The following STX3 variants were observed in gnomAD, a reference collection of about 807,000 sequenced individuals.
The protein encoded by STX3 is syntaxin 3, also known as syntaxin-3.
STX3 carries 19 observed loss-of-function variants against 40.2 expected under a neutral mutation model. The observed-to-expected ratio is 0.47, with a 90% CI of 0.33 to 0.69. The LOEUF is 0.69. Among genes scored for constraint, STX3 ranks in the 30% least tolerant of loss-of-function variants. The probability of loss-of-function intolerance (pLI) is 0.02; values close to 1 mark genes in which losing one functional copy is unlikely to be tolerated. For synonymous variants in STX3, 122 were observed against 132.2 expected, an observed-to-expected ratio of 0.92 and a Z score of 0.53; for missense variants, 364 against 366.7, an observed-to-expected ratio of 0.99 and a Z score of 0.06.
intron 1 of STX3, among the ~76,000 whole-genome samples, chr11:59,763,839 G>T (rs1260078942): frequency 6.6e-6 from 1 of 152,088 alleles, no homozygotes; most frequent in Non-Finnish European, 1.5e-5. Context: ...CCAACATGGC[G>T]GAAACCCTGT....
At chr11:59,771,400 A>ACCC in intron 1 of STX3, among the ~76,000 whole-genome samples, 1 of 42,260 alleles carries the variant, frequency 2.4e-5, no homozygotes, top group South Asian at 9.9e-4. Flanking sequence ...CCGTCCCCCC[A>ACCC]CCTCCCCCCC....
intron 4 of STX3, chr11:59,789,253 C>CTTT: frequency 2.3e-5 from 5 of 214,738 alleles, no homozygotes; most frequent in South Asian, 1.1e-4. Context: ...ACTTGTCTCT[C>CTTT]TTTTTTTTTT....
At chr11:59,791,830 G>A (rs1004150291) in intron 5 of STX3, among the ~76,000 whole-genome samples, 1 of 152,168 alleles carries the variant, frequency 6.6e-6, no homozygotes. Context: ...CCATGTGGAT[G>A]TAGGGCTCAG....
chr11:59,788,742 C>A, intron 3 of STX3, 131 bp from the exon 4 acceptor site: 1 of 643,800 alleles, frequency 1.6e-6, no homozygotes, highest in African/African-American at 1.9e-5. Context: ...CTGGGGAGTG[C>A]GTAGGGATAA....
In STX3 at chr11:59,792,065, C is replaced by T. The variant is rs775734509; in HGVS notation, c.358-42C>T. ...GTGGGGAGGGGTTCTATAACAGTTACAGAACCACTGGGGCCTGACTGCATT... is the reference window on the plus strand; with the variant it reads ...GTGGGGAGGGGTTCTATAACAGTTATAGAACCACTGGGGCCTGACTGCATT... On this transcript the variant is annotated intron_variant, in intron 5 of 10. Transcript: ENST00000337979. The T allele has an allele frequency of 1.1e-5, 17 of 1,489,002 alleles. No homozygotes were observed. The Admixed American group carries it at 2.4e-4, about 21-fold the overall frequency. 92.2% of individuals were successfully genotyped at this position (1,489,002 alleles called of 1,614,324 possible).
At chr11:59,783,858 T>G (rs1247131984) in intron 2 of STX3, among the ~76,000 whole-genome samples, 1 of 152,210 alleles carries the variant, frequency 6.6e-6, no homozygotes, top group Non-Finnish European at 1.5e-5. Context: ...GATTATTTGG[T>G]GAACTGACTA....
Position 59,789,020 on chromosome 11 carries a change from C to T in STX3, c.289+73C>T, listed in dbSNP as rs574747684. 3.4e-5 allele frequency: 45 copies of T among 1,331,042 alleles called. No individual in the cohort carries two copies. In the South Asian group the frequency reaches 3.5e-4, roughly 10 times the overall value. 82.5% of individuals were successfully genotyped at this position (1,331,042 alleles called of 1,614,324 possible). ...TCAGCTCCCCTAGGGTCCAGCTTTC[C>T]GAACTGAAACTCCTCTTGATGGAAG... On this transcript the variant is annotated intron_variant, in intron 4 of 10. Coordinates refer to ENST00000337979, the MANE Select transcript of STX3 (RefSeq NM_004177.5).
In STX3 at chr11:59,802,448, C is replaced by T. The variant is rs1590841573; in HGVS notation, c.*1624C>T. On this transcript the variant is annotated 3_prime_UTR_variant, in exon 11 of 11. Coordinates refer to ENST00000337979, the MANE Select transcript of STX3 (RefSeq NM_004177.5). The stretch of plus-strand genomic sequence containing the variant: ...CTTCCTTTGCAAAGGCTACTTATGG[C>T]CGGTCACAATCCAGCACTCAGACAG... The T allele has an allele frequency of 4.1e-6, 4 of 985,850 alleles. No homozygotes were observed. The South Asian group carries it at 1.4e-4, about 35-fold the overall frequency. The allele number at this position is 985,850 out of a possible 1,614,324, so 61.1% of individuals were successfully genotyped here. A position where few individuals can be genotyped will look rare whatever the true frequency, so the allele number is the denominator to read the frequency against.
At chr11:59,792,914 A>C (rs1031895845) in intron 6 of STX3, among the ~76,000 whole-genome samples, 185 bp from the exon 7 acceptor site, 2 of 152,172 alleles carry the variant, frequency 1.3e-5, no homozygotes, top group Non-Finnish European at 2.9e-5. Flanking sequence ...TAGGAAGGTA[A>C]CTGCTGATAG....
intron 2 of STX3, among the ~76,000 whole-genome samples, chr11:59,784,065 C>T (rs1864600024): frequency 6.6e-6 from 1 of 152,162 alleles, no homozygotes; most frequent in South Asian, 2.1e-4. Flanking sequence ...GGGTGAGTAT[C>T]AGCCATCCAG....
chr11:59,793,344 A>G (rs1565188997), intron 7 of STX3, 36 bp from the exon 8 acceptor site: 1 of 1,603,938 alleles, frequency 6.2e-7, no homozygotes, highest in East Asian at 2.2e-5. Flanking sequence ...CCTTTCTTGC[A>G]GGGGTAGCTA....
At position 59,792,136 on chromosome 11, in the gene STX3, G is replaced by A. The variant is rs1250678745; in HGVS notation, c.387G>A (p.Glu129=). Residue 129 remains glutamate (E), a synonymous_variant, in exon 6 of 11, where the codon GAG becomes GAA. Coordinates refer to ENST00000337979, the MANE Select transcript of STX3 (RefSeq NM_004177.5). The part of the protein sequence containing the change: ...QHSVLSRKFV[E]VMTKYNEAQV... ...CTGTCCTTTCTCGGAAGTTTGTGGA[G>A]GTGATGACCAAATACAATGAAGCTC... The A allele has an allele frequency of 6.2e-7, 1 of 1,614,102 alleles. No individual in the cohort carries two copies. The highest frequency in any genetic ancestry group is 8.5e-7 in the Non-Finnish European group (1 of 1,180,036).
intron 2 of STX3, chr11:59,781,730 G>T: frequency 6.3e-7 from 1 of 1,584,178 alleles, no homozygotes; most frequent in Non-Finnish European, 8.6e-7. Context: ...TGGTGGGTGC[G>T]GGCGGGCTGG....
At chr11:59,781,191 T>C in intron 2 of STX3, 1 of 704,532 alleles carries the variant, frequency 1.4e-6, no homozygotes, top group East Asian at 2.7e-5. Context: ...AAAATGTTTA[T>C]GATAAAGATA....
intron 2 of STX3, chr11:59,781,818 TG>T: frequency 8.6e-7 from 1 of 1,167,188 alleles, no homozygotes; most frequent in Non-Finnish European, 1.2e-6. Flanking sequence ...AGCTCTAATA[TG>T]AAGACTGCTT....
intron 2 of STX3, chr11:59,781,645 G>A (rs2134969830): frequency 3.1e-6 from 5 of 1,612,346 alleles, no homozygotes; most frequent in African/African-American, 2.7e-5. Context: ...CCCACTCCTA[G>A]CTCCTTCATG....
At position 59,801,117 on chromosome 11, in the gene STX3, C is replaced by G. The variant is rs2135051854; in HGVS notation, c.*293C>G. 7.3e-7 allele frequency: 1 copy of G among 1,373,836 alleles called. No individual in the cohort carries two copies. Among genetic ancestry groups the G allele is most frequent in the East Asian group, 2.7e-5 (1 of 37,726 alleles). 85.1% of individuals were successfully genotyped at this position (1,373,836 alleles called of 1,614,324 possible). A position where few individuals can be genotyped will look rare whatever the true frequency, so the allele number is the denominator to read the frequency against. ...TGTGGACCCACCCAGCTTTCTTCCT[C>G]CCTGTTGTGTGTCAGATTATGCCTT... On this transcript the variant is annotated 3_prime_UTR_variant, in exon 11 of 11. Transcript: ENST00000337979.
At chr11:59,789,998 G>C (rs1028539852) in intron 4 of STX3, among the ~76,000 whole-genome samples, 1 of 152,176 alleles carries the variant, frequency 6.6e-6, no homozygotes, top group Non-Finnish European at 1.5e-5. Context: ...GATCAGAAGA[G>C]AAAGCATTAT....
chr11:59,772,974 A>AAACACACACACACACACACACACACAC (rs1554996770), intron 1 of STX3, among the ~76,000 whole-genome samples: 4 of 140,680 alleles, frequency 2.8e-5, no homozygotes, highest in East Asian at 4.2e-4. Flanking sequence ...CCCTGAAAGA[A>AAACACACACACACACACACACACACAC]ACACACACAC....
Sources: allele counts gnomAD v4.1 joint callset (sites outside exome capture counted in the v4.1 genomes callset), GRCh38; gene constraint gnomAD v4.1.1; transcripts MANE v1.5; gene names NCBI Gene and HGNC (gene_info 2026-07-23, HGNC 2026-07-21).